Variants in TIMMDC1 observed in about 807,000 individuals in gnomAD.
The protein encoded by TIMMDC1 is translocase of inner mitochondrial membrane domain containing 1, also known as complex I assembly factor TIMMDC1, mitochondrial.
A neutral mutation model predicts 32.6 loss-of-function variants in TIMMDC1; 25 were observed. The observed-to-expected ratio is 0.77, with a 90% CI of 0.56 to 1.07. The LOEUF (loss-of-function observed/expected upper bound fraction) is 1.07. Ranked by LOEUF, TIMMDC1 falls within the 50% of genes least tolerant of loss-of-function variation. TIMMDC1 has a pLI of 0.00. For synonymous variants in TIMMDC1, 130 were observed against 127.6 expected (o/e 1.02, Z -0.13); for missense variants, 329 against 349.2 (o/e 0.94, Z 0.46).
chr3:119,518,553 CA>C (rs112915406), intron 6 of TIMMDC1, among the ~76,000 whole-genome samples: 421 of 111,886 alleles, frequency 3.8e-3, no homozygotes, highest in Middle Eastern at 5.3e-3. Flanking sequence ...TACTTCATCT[CA>C]AAAAAAAAAA....
intron 2 of TIMMDC1, among the ~76,000 whole-genome samples, chr3:119,501,677 T>G (rs1460077684): frequency 6.6e-6 from 1 of 152,206 alleles, no homozygotes; most frequent in African/African-American, 2.4e-5. Context: ...TTTTCAGAAG[T>G]TAGGCTTGAG....
Position 119,498,947 on chromosome 3 carries a change from G to A in TIMMDC1, c.194+20G>A. On this transcript the variant is annotated intron_variant, in intron 1 of 6. Coordinates refer to ENST00000494664, the MANE Select transcript of TIMMDC1 (RefSeq NM_016589.4). ...CAAAGAGTAAAAGTGCCTAGGGTGT[G>A]AAGTGGGGTAGGGGGCCGCGAAAGC... 6.2e-7 allele frequency: 1 copy of A among 1,612,870 alleles called. No individual in the cohort carries two copies. The highest frequency in any genetic ancestry group is 8.5e-7 in the Non-Finnish European group (1 of 1,179,058).
intron 4 of TIMMDC1, among the ~76,000 whole-genome samples, chr3:119,505,450 G>T (rs528490360): frequency 6.6e-6 from 1 of 151,526 alleles, no homozygotes; most frequent in Admixed American, 6.6e-5. Context: ...CACAACCTCC[G>T]CCTCCCAGGT....
intron 1 of TIMMDC1, among the ~76,000 whole-genome samples, chr3:119,499,707 C>T (rs1577094215): frequency 6.6e-6 from 1 of 152,094 alleles, no homozygotes; most frequent in Non-Finnish European, 1.5e-5. Flanking sequence ...TGAGCCACCG[C>T]GGCTGGACTG....
At position 119,511,547 on chromosome 3, in the gene TIMMDC1, C is replaced by A. The variant is rs566992371; in HGVS notation, c.518-2094C>A. Among the ~76,000 whole-genome samples the A allele has an allele frequency of 2.5e-3, 374 of 151,936 alleles. 2 individuals carry two copies. The highest frequency in any genetic ancestry group is 7.5e-3 in the African/African-American group (313 of 41,470). On this transcript the variant is annotated intron_variant, in intron 4 of 6. Coordinates refer to ENST00000494664, the MANE Select transcript of TIMMDC1 (RefSeq NM_016589.4). The stretch of plus-strand genomic sequence containing the variant: ...CTGCACAGTTCAAACTCATGTTTAT[C>A]AACTGTATGTATTTTTAAGCATAAG...
chr3:119,498,952 G>T (rs1277527765), intron 1 of TIMMDC1, 25 bp downstream of exon 1: 3 of 1,609,370 alleles, frequency 1.9e-6, no homozygotes, highest in Non-Finnish European at 2.5e-6. Flanking sequence ...GGTGTGAAGT[G>T]GGGTAGGGGG....
At chr3:119,500,230 A>G (rs951094415) in intron 1 of TIMMDC1, 2 of 152,414 alleles carry the variant, frequency 1.3e-5, no homozygotes, top group Non-Finnish European at 2.9e-5. Context: ...TAAGATTTAA[A>G]CGGAAATATT....
intron 5 of TIMMDC1, 61 bp from the exon 6 acceptor site, chr3:119,517,144 T>G: frequency 9.8e-7 from 1 of 1,021,100 alleles, no homozygotes. Flanking sequence ...GCAGAGAATC[T>G]CACATGTTGC....
intron 1 of TIMMDC1, among the ~76,000 whole-genome samples, chr3:119,500,207 C>G (rs2081860176): frequency 6.6e-6 from 1 of 152,184 alleles, no homozygotes; most frequent in Non-Finnish European, 1.5e-5. Flanking sequence ...GGTGTGATTT[C>G]TAAAAGTTAA....
chr3:119,519,925 A>G (rs1398926656), intron 6 of TIMMDC1, among the ~76,000 whole-genome samples: 1 of 152,196 alleles, frequency 6.6e-6, no homozygotes. Flanking sequence ...AGACCACAGC[A>G]GAATAAAACT....
chr3:119,507,736 G>A (rs1242927453), intron 4 of TIMMDC1, among the ~76,000 whole-genome samples: 2 of 152,016 alleles, frequency 1.3e-5, no homozygotes, highest in Non-Finnish European at 2.9e-5. Context: ...CTTGATAGCT[G>A]GACATGATGT....
At chr3:119,506,531 A>C (rs998003201) in intron 4 of TIMMDC1, among the ~76,000 whole-genome samples, 9 of 152,164 alleles carry the variant, frequency 5.9e-5, no homozygotes, top group South Asian at 2.1e-4. Context: ...AAAAAAAAAA[A>C]AAACTAGAAA....
At chr3:119,504,077 G>T in intron 4 of TIMMDC1, 56 bp downstream of exon 4, 1 of 1,333,102 alleles carries the variant, frequency 7.5e-7, no homozygotes, top group Admixed American at 1.7e-5. Flanking sequence ...TAGAAAATGT[G>T]TAAGGACTTA....
At chr3:119,498,953 G>C in intron 1 of TIMMDC1, 26 bp downstream of exon 1, 2 of 1,609,414 alleles carry the variant, frequency 1.2e-6, no homozygotes, top group African/African-American at 1.3e-5. Flanking sequence ...GTGTGAAGTG[G>C]GGTAGGGGGC....
In TIMMDC1 at chr3:119,524,254, T is replaced by A. The variant is rs958241107; in HGVS notation, c.*498T>A. The A allele has an allele frequency of 6.6e-6, 1 of 152,236 alleles. No individual in the cohort carries two copies. Among genetic ancestry groups the A allele is most frequent in the African/African-American group, 2.4e-5 (1 of 41,456 alleles). The allele number at this position is 152,236 out of a possible 1,614,324, so 9.4% of individuals were successfully genotyped here. On this transcript the variant is annotated 3_prime_UTR_variant, in exon 7 of 7. Transcript: ENST00000494664. ...TAAACAAAGATGATTTCTTTGACAC[T>A]TGAAATAAAATACAAATTCAACAAA...
At chr3:119,515,656 G>T (rs2081981236) in intron 5 of TIMMDC1, among the ~76,000 whole-genome samples, 1 of 152,232 alleles carries the variant, frequency 6.6e-6, no homozygotes, top group Admixed American at 6.5e-5. Flanking sequence ...TATCTGTTCA[G>T]TGTCTCCATT....
chr3:119,517,001 T>G (rs59482964), intron 5 of TIMMDC1, among the ~76,000 whole-genome samples: 16,105 of 152,216 alleles, frequency 0.11, 2,092 homozygotes, highest in African/African-American at 0.31. Context: ...GTTGTAGTGA[T>G]TGTTTTTGTC....
At chr3:119,523,501 T>C (rs1231894025) in intron 6 of TIMMDC1, 105 bp from the exon 7 acceptor site, 3 of 1,201,018 alleles carry the variant, frequency 2.5e-6, no homozygotes, top group East Asian at 2.5e-5. Context: ...TAAATTGCTA[T>C]ACCAAAGCAG....
intron 4 of TIMMDC1, among the ~76,000 whole-genome samples, chr3:119,507,254 A>G (rs1469441006): frequency 6.6e-6 from 1 of 152,130 alleles, no homozygotes; most frequent in East Asian, 1.9e-4. Flanking sequence ...GTGTTCTAGT[A>G]CACTTATACC....
Sources: allele counts gnomAD v4.1 joint callset (sites outside exome capture counted in the v4.1 genomes callset), GRCh38; gene constraint gnomAD v4.1.1; transcripts MANE v1.5; gene names NCBI Gene and HGNC (gene_info 2026-07-23, HGNC 2026-07-21).